Variants in FHIT observed in about 807,000 individuals in gnomAD.
FHIT encodes fragile histidine triad diadenosine triphosphatase, also known as bis(5'-adenosyl)-triphosphatase.
FHIT carries 19 observed loss-of-function variants against 17.9 expected under a neutral mutation model. The ratio of observed to expected loss-of-function variants is 1.06; its 90% confidence interval spans 0.74 to 1.56. FHIT has a LOEUF of 1.56. Ranked by LOEUF, FHIT falls within the 40% of genes most tolerant of loss-of-function variation. The pLI, the probability that FHIT is intolerant of heterozygous loss-of-function variation, is 0.00. For synonymous variants in FHIT, 81 were observed against 69.7 expected (o/e 1.16, Z -0.81); for missense variants, 248 against 189.2 (o/e 1.31, Z -1.82).
intron 5 of FHIT, among the ~76,000 whole-genome samples, chr3:60,224,711 TA>T (rs1704113146): frequency 6.7e-6 from 1 of 150,220 alleles, no homozygotes; most frequent in Non-Finnish European, 1.5e-5. Flanking sequence ...ATTTTTATTT[TA>T]TTTTATTTTA....
intron 5 of FHIT, among the ~76,000 whole-genome samples, chr3:60,521,107 T>C (rs1019107520): frequency 3.9e-5 from 6 of 152,248 alleles, no homozygotes; most frequent in Middle Eastern, 3.4e-3. Context: ...GATGTTCACA[T>C]AGAAATGCAG....
intron 4 of FHIT, among the ~76,000 whole-genome samples, chr3:60,562,642 C>T (rs2036993313): frequency 6.6e-6 from 1 of 152,156 alleles, no homozygotes; most frequent in African/African-American, 2.4e-5. Context: ...ATACCAGCAT[C>T]AGCATCACCC....
intron 3 of FHIT, among the ~76,000 whole-genome samples, chr3:60,950,894 C>T (rs1337058357): frequency 6.6e-6 from 1 of 151,984 alleles, no homozygotes; most frequent in African/African-American, 2.4e-5. Context: ...TGTATTTATC[C>T]TTTATCTTTC....
intron 5 of FHIT, among the ~76,000 whole-genome samples, chr3:60,156,575 C>G (rs951119023): frequency 1.3e-5 from 2 of 151,184 alleles, no homozygotes; most frequent in Non-Finnish European, 3.0e-5. Flanking sequence ...ATAGTGAGAT[C>G]TTGTCTCTAT....
At chr3:60,236,476 T>C (rs1230334858) in intron 5 of FHIT, among the ~76,000 whole-genome samples, 1 of 152,102 alleles carries the variant, frequency 6.6e-6, no homozygotes, top group Admixed American at 6.6e-5. Flanking sequence ...AGAATTTTTC[T>C]ATTCTCTTTT....
chr3:60,510,844 A>G (rs2034924811), intron 5 of FHIT, among the ~76,000 whole-genome samples: 1 of 152,342 alleles, frequency 6.6e-6, no homozygotes, highest in African/African-American at 2.4e-5. Flanking sequence ...AAAATCCAGT[A>G]AGTGCATTTA....
intron 8 of FHIT, among the ~76,000 whole-genome samples, chr3:59,889,069 G>A (rs1005450158): frequency 1.3e-5 from 2 of 152,140 alleles, no homozygotes; most frequent in African/African-American, 2.4e-5. Flanking sequence ...TGTCAATACT[G>A]TTGTTCTGGG....
intron 3 of FHIT, among the ~76,000 whole-genome samples, chr3:61,033,272 A>T (rs1559925982): frequency 6.6e-6 from 1 of 152,146 alleles, no homozygotes; most frequent in Admixed American, 6.5e-5. Flanking sequence ...ACAGCCAGTT[A>T]TTTGTTTACA....
At chr3:61,076,574 T>C (rs1300359599) in intron 2 of FHIT, among the ~76,000 whole-genome samples, 2 of 152,208 alleles carry the variant, frequency 1.3e-5, no homozygotes, top group Admixed American at 1.3e-4. Context: ...ATGGGAAGTC[T>C]GTTGAAAAGA....
chr3:60,682,249 G>A (rs2040767454), intron 4 of FHIT, among the ~76,000 whole-genome samples: 1 of 152,072 alleles, frequency 6.6e-6, no homozygotes, highest in Admixed American at 6.6e-5. Context: ...GGGATTACAG[G>A]GGTAAGCCAC....
chr3:59,836,819 G>A (rs1430594095), intron 8 of FHIT, among the ~76,000 whole-genome samples: 3 of 152,130 alleles, frequency 2.0e-5, no homozygotes, highest in Non-Finnish European at 2.9e-5. Context: ...ACACTGGGCT[G>A]GAGGGGCCCG....
chr3:60,567,605 T>C (rs2037186920), intron 4 of FHIT, among the ~76,000 whole-genome samples: 1 of 152,074 alleles, frequency 6.6e-6, no homozygotes, highest in Admixed American at 6.5e-5. Flanking sequence ...AATTGACAAA[T>C]GGGATCTAAT....
chr3:60,807,900 C>T (rs1446600996), intron 4 of FHIT, among the ~76,000 whole-genome samples: 5 of 151,894 alleles, frequency 3.3e-5, no homozygotes, highest in Non-Finnish European at 7.4e-5. Flanking sequence ...GGGAGGTGTA[C>T]CTTAAATAAG....
chr3:60,966,870 G>A (rs1351097557), intron 3 of FHIT, among the ~76,000 whole-genome samples: 2 of 152,258 alleles, frequency 1.3e-5, no homozygotes, highest in South Asian at 2.1e-4. Context: ...AAAGTCCTAA[G>A]GTGCAGTATT....
chr3:61,122,731 G>GAAA (rs2036494423), intron 2 of FHIT, among the ~76,000 whole-genome samples: 1 of 152,104 alleles, frequency 6.6e-6, no homozygotes. Context: ...CATTTATGTG[G>GAAA]ACAACAAACA....
chr3:59,844,891 T>A (rs615832), intron 8 of FHIT, among the ~76,000 whole-genome samples: 149,593 of 152,234 alleles, frequency 0.98, 73,561 homozygotes, highest in East Asian at 1. Context: ...TTGTTTAAAT[T>A]TTTGGTACTA....
rs145618938 is a variant in FHIT at position 60,114,488 on chromosome 3, C to CTTTTTTTTTTTTTTTTTTTT, written c.104-100337_104-100336insAAAAAAAAAAAAAAAAAAAA. The stretch of plus-strand genomic sequence containing the variant: ...TAAAATAAGGAAGAACAAGAGAAAT[C>CTTTTTTTTTTTTTTTTTTTT]CTTTTTTTTTTTTTTTTTTTTTTTT... On this transcript the variant is annotated intron_variant, in intron 5 of 9. Coordinates refer to ENST00000492590, the MANE Select transcript of FHIT (RefSeq NM_002012.4). Among the ~76,000 whole-genome samples, 15 of 59,486 alleles carry CTTTTTTTTTTTTTTTTTTTT rather than the reference C, an allele frequency of 2.5e-4. 2 individuals carry two copies. The highest frequency in any genetic ancestry group is 8.8e-4 in the South Asian group (1 of 1,134). The allele number at this position is 59,486 out of a possible 152,430, so 39.0% of individuals were successfully genotyped here.
intron 8 of FHIT, among the ~76,000 whole-genome samples, chr3:59,801,364 G>C (rs1053991403): frequency 1.3e-5 from 2 of 149,310 alleles, no homozygotes; most frequent in African/African-American, 5.2e-5. Context: ...ATTTGTTCTT[G>C]TTTTTGCAAA....
intron 3 of FHIT, among the ~76,000 whole-genome samples, chr3:60,985,742 G>A (rs991603604): frequency 1.3e-4 from 20 of 152,204 alleles, no homozygotes; most frequent in African/African-American, 2.7e-4. Context: ...TCCCAGGTGC[G>A]TTAGCTTCCT....
Sources: allele counts gnomAD v4.1 joint callset (sites outside exome capture counted in the v4.1 genomes callset), GRCh38; gene constraint gnomAD v4.1.1; transcripts MANE v1.5; gene names NCBI Gene and HGNC (gene_info 2026-07-23, HGNC 2026-07-21).